Variants in MGST2 observed in about 807,000 individuals in gnomAD.
MGST2 encodes the protein glutathione peroxidase MGST2.
A neutral mutation model predicts 16.6 loss-of-function variants in MGST2; 9 were observed. The ratio of observed to expected loss-of-function variants is 0.54; its 90% CI spans 0.33 to 0.95. MGST2 has a LOEUF of 0.95. Ranked by LOEUF, MGST2 falls within the 40% of genes least tolerant of loss-of-function variation. MGST2 has a pLI of 0.03. For synonymous variants in MGST2, 79 were observed against 68.0 expected, an observed-to-expected ratio of 1.16 and a Z score of -0.79; for missense variants, 159 against 175.1, an observed-to-expected ratio of 0.91 and a Z score of 0.52.
the MGST2 span, among the ~76,000 whole-genome samples, chr4:139,746,562 A>G: frequency 6.6e-6 from 1 of 152,136 alleles, no homozygotes; most frequent in African/African-American, 2.4e-5. Context: ...TCTGTCTTCT[A>G]ATCCCAGGGA....
intron 5 of MGST2, among the ~76,000 whole-genome samples, chr4:139,722,357 G>T (rs56110847): frequency 0.075 from 11,349 of 152,150 alleles, 1,222 homozygotes; most frequent in African/African-American, 0.24. Flanking sequence ...CTAGTTTTAT[G>T]CCTTCCGTGA....
At chr4:139,722,457 T>C (rs2110962392) in intron 5 of MGST2, among the ~76,000 whole-genome samples, 1 of 152,358 alleles carries the variant, frequency 6.6e-6, no homozygotes, top group Non-Finnish European at 1.5e-5. Context: ...CAACAGATTA[T>C]GTTTTCTTTT....
chr4:139,670,805 T>C (rs1428834342), intron 1 of MGST2, among the ~76,000 whole-genome samples: 2 of 151,624 alleles, frequency 1.3e-5, no homozygotes, highest in Non-Finnish European at 2.9e-5. Context: ...TCCCAGCCAC[T>C]TGGGAGGCTG....
At chr4:139,727,106 T>G (rs548921459) in intron 5 of MGST2, among the ~76,000 whole-genome samples, 1 of 152,350 alleles carries the variant, frequency 6.6e-6, no homozygotes, top group African/African-American at 2.4e-5. Context: ...TATTTCAATT[T>G]TTTCTCTTGT....
At chr4:139,682,915 C>T (rs2110836235) in intron 2 of MGST2, among the ~76,000 whole-genome samples, 1 of 152,108 alleles carries the variant, frequency 6.6e-6, no homozygotes, top group East Asian at 1.9e-4. Flanking sequence ...GGGGGTCCTA[C>T]TCACAGGCCC....
chr4:139,714,498 T>C (rs959458976), intron 5 of MGST2, among the ~76,000 whole-genome samples: 11 of 152,214 alleles, frequency 7.2e-5, no homozygotes, highest in African/African-American at 2.7e-4. Flanking sequence ...CCAAGCCGCA[T>C]CATAAAGGAA....
In MGST2 at chr4:139,715,438, GGAAAGGGGTCCTGATGCAGACCCCAA is replaced by G. The variant is rs765640299; in HGVS notation, c.*48+11245_*48+11270del. On this transcript the variant is annotated intron_variant, in intron 5 of 5. Coordinates refer to the MGST2 transcript ENST00000616265. This position sits in a 1 kb window ranked among gnomAD's most constrained non-coding sequence, Gnocchi z 4.4. ...TTGCAGGACAGAGAAATGTGTTACAGGAAAGGGGTCCTGATGCAGACCCCAAGAGAGGGTTCTTGGCTCTTGCGCAA... is the reference window on the plus strand; with the variant it reads ...TTGCAGGACAGAGAAATGTGTTACAGGAGAGGGTTCTTGGCTCTTGCGCAA... Among the ~76,000 whole-genome samples the G allele has an allele frequency of 1.8e-3, 278 of 152,306 alleles. 1 individual carries two copies. The highest frequency in any genetic ancestry group is 3.4e-3 in the Middle Eastern group (1 of 294).
chr4:139,744,840 T>C (rs974855468), downstream of MGST2, among the ~76,000 whole-genome samples: 2 of 152,174 alleles, frequency 1.3e-5, no homozygotes, highest in Non-Finnish European at 2.9e-5. Flanking sequence ...TCGATTTCCA[T>C]AGAGCCAGGC....
In MGST2 at chr4:139,666,033, C is replaced by T. The variant is rs1289180480; in HGVS notation, c.14C>T (p.Ser5Leu). 1.2e-6 allele frequency: 2 copies of T among 1,613,922 alleles called. No individual in the cohort carries two copies. The highest frequency in any genetic ancestry group is 1.3e-5 in the African/African-American group (1 of 74,874). Residue 5 changes from serine to leucine, a missense_variant, in exon 1 of 5, where the codon TCG becomes TTG. Physicochemically the swap from Ser to Leu is moderately radical, Grantham distance 145. Transcript: ENST00000265498. ...TCCGTGAGAAAGATGGCCGGGAACT[C>T]GATCCTGCTGGCTGCTGTCTCTATT... MAGN[S>L]ILLAAVSILS...
chr4:139,683,007 T>C lies in MGST2; in HGVS notation c.158+4365T>C, dbSNP rs1242869180. Among the ~76,000 whole-genome samples the C allele has an allele frequency of 2.6e-5, 4 of 152,210 alleles. No individual in the cohort carries two copies. The East Asian group carries it at 7.7e-4, about 29-fold the overall frequency. ...CTCTGCACAAGGTTCGAACTTCCTG[T>C]GGCTCCACCCTGTTCCTCCAGTGAG... On this transcript the variant is annotated intron_variant, in intron 2 of 4. Coordinates refer to ENST00000265498, the MANE Select transcript of MGST2 (RefSeq NM_002413.5).
intron 2 of MGST2, chr4:139,679,092 A>G (rs1731110244): frequency 5.5e-6 from 1 of 181,816 alleles, no homozygotes; most frequent in Admixed American, 5.5e-5. Context: ...AGAAACCTGT[A>G]AGAATGAGAA....
chr4:139,722,541 C>G (rs1326742328), intron 5 of MGST2, among the ~76,000 whole-genome samples: 2 of 152,174 alleles, frequency 1.3e-5, no homozygotes, highest in African/African-American at 4.8e-5. Context: ...GTTAACATCA[C>G]AATGTCCAAG....
rs767366469 is a variant in MGST2 at position 139,702,867 on chromosome 4, T to TTTTTTTTTTTTTTTTTTTTTTTTTTTC, written c.230-585_230-584insTTTTTTTTTTTTTTTTTTTTTTTCTTT. ...TGGTTTTTTTTTTTTTTTTTTTTTTTTTTACAATTTTAGCCATTCTGTTGG... is the reference window on the plus strand; with the variant it reads ...TGGTTTTTTTTTTTTTTTTTTTTTTTTTTTTTTTTTTTTTTTTTTTTTTTTTCTTTACAATTTTAGCCATTCTGTTGG... On this transcript the variant is annotated intron_variant, in intron 3 of 4. Coordinates refer to ENST00000265498, the MANE Select transcript of MGST2 (RefSeq NM_002413.5). 3.8e-5 allele frequency among the ~76,000 whole-genome samples: 5 copies of TTTTTTTTTTTTTTTTTTTTTTTTTTTC among 132,454 alleles called. 1 individual carries two copies. The highest frequency in any genetic ancestry group is 8.1e-5 in the African/African-American group (3 of 37,148). 86.9% of individuals were successfully genotyped at this position (132,454 alleles called of 152,430 possible). A position where few individuals can be genotyped will look rare whatever the true frequency, so the allele number is the denominator to read the frequency against.
At chr4:139,684,331 G>A (rs371685300) in intron 2 of MGST2, among the ~76,000 whole-genome samples, 6 of 152,154 alleles carry the variant, frequency 3.9e-5, no homozygotes, top group African/African-American at 1.2e-4. Flanking sequence ...CCTACAACAC[G>A]TGGGAATTCA....
chr4:139,674,881 G>T (rs1393404121), intron 1 of MGST2, among the ~76,000 whole-genome samples: 1 of 152,218 alleles, frequency 6.6e-6, no homozygotes, highest in African/African-American at 2.4e-5. Context: ...TTGGCTTAGT[G>T]ATTTGGGGGT....
chr4:139,677,762 C>T (rs1731040001), intron 1 of MGST2, among the ~76,000 whole-genome samples: 1 of 152,148 alleles, frequency 6.6e-6, no homozygotes, highest in Admixed American at 6.5e-5. Flanking sequence ...CTCAGCCTCC[C>T]AAAGTGCTGG....
chr4:139,700,084 C>T (rs1413422080), intron 3 of MGST2, among the ~76,000 whole-genome samples: 2 of 148,214 alleles, frequency 1.3e-5, no homozygotes, highest in East Asian at 2.0e-4. Context: ...TGAGCCCTTA[C>T]TATGTGCCAG....
chr4:139,700,629 G>C (rs1034473426), intron 3 of MGST2, among the ~76,000 whole-genome samples: 2 of 152,150 alleles, frequency 1.3e-5, no homozygotes, highest in African/African-American at 4.8e-5. Flanking sequence ...GTGCAGAGCC[G>C]GGTCTGTAAG....
rs200806138 is a variant in MGST2, at chr4:139,729,118, A to C, written c.*49-11094A>C. Among the ~76,000 whole-genome samples the C allele has an allele frequency of 4.1e-4, 62 of 150,132 alleles. No homozygotes were observed. In the East Asian group the frequency reaches 6.8e-3, roughly 16 times the overall value. On this transcript the variant is annotated intron_variant, in intron 5 of 5. Coordinates refer to the MGST2 transcript ENST00000616265. ...GCCAGGCGGCTGACTGACCTTGGTA[A>C]AAAGGGAGATAATTACACAGCTGTT...
Sources: gnomAD v4.1 joint callset for allele counts (sites outside exome capture counted in the v4.1 genomes callset) on GRCh38, gnomAD v4.1.1 for gene constraint, Gnocchi (gnomAD v3.1) non-coding constraint, MANE v1.5 for transcripts, NCBI Gene and HGNC (gene_info 2026-07-23, HGNC 2026-07-21) for gene names.